Variants in GRAMD1A observed in about 807,000 individuals in gnomAD.
GRAMD1A encodes the protein protein Aster-A.
Under a neutral mutation model 92.0 loss-of-function variants are expected in GRAMD1A, and 50 were observed. That is an observed-to-expected ratio of 0.54 (90% CI 0.43 to 0.69). GRAMD1A has a LOEUF of 0.69. Among genes scored for constraint, GRAMD1A ranks in the 30% least tolerant of loss-of-function variants. The pLI, the probability that GRAMD1A is intolerant of heterozygous loss-of-function variation, is 0.00. For missense variants in GRAMD1A, 819 were observed against 978.9 expected, an observed-to-expected ratio of 0.84 and a Z score of 2.18; for synonymous variants, 405 against 403.6, an observed-to-expected ratio of 1.00 and a Z score of -0.04.
In GRAMD1A at chr19:35,010,147, T is replaced by G. The variant is rs2290642; in HGVS notation, c.381T>G (p.Ser127=). Residue 127 remains serine (S), a synonymous_variant, in exon 5 of 20, where the codon TCT becomes TCG. Coordinates refer to ENST00000317991, the MANE Select transcript of GRAMD1A (RefSeq NM_020895.5). ...TGCTCCAGGGCCGCCTCTACCTCTC[T>G]GAGAACTGGATCTGCTTCTACAGCA... ...EILLQGRLYL[S]ENWICFYSNI... The G allele has an allele frequency of 1.9e-6, 3 of 1,613,118 alleles. No individual in the cohort carries two copies. The highest frequency in any genetic ancestry group is 1.3e-5 in the African/African-American group (1 of 74,884).
chr19:34,999,928 T>C (rs2014219795), upstream of GRAMD1A: 2 of 914,874 alleles, frequency 2.2e-6, no homozygotes, highest in South Asian at 5.0e-5. Context: ...CCCCCATACA[T>C]ACACCTCGGT....
chr19:35,009,325 G>A lies in GRAMD1A; in HGVS notation c.215G>A (p.Ser72Asn). 6.2e-7 allele frequency: 1 copy of A among 1,613,918 alleles called. No individual in the cohort carries two copies. The highest frequency in any genetic ancestry group is 1.1e-5 in the South Asian group (1 of 91,074). Residue 72 changes from serine to asparagine, a missense_variant, in exon 2 of 20, where the codon AGC becomes AAC. Coordinates refer to ENST00000317991, the MANE Select transcript of GRAMD1A (RefSeq NM_020895.5). ...GGCAGCCGGAACTTCATCCGCAACA[G>A]CAAGGTTGGTGCAAGCCCAGGTGGG... ...SLGSRNFIRN[S>N]KKMQSWYSML...
chr19:35,019,595 C>T, intron 13 of GRAMD1A, 62 bp downstream of exon 13: 1 of 1,518,736 alleles, frequency 6.6e-7, no homozygotes, highest in Admixed American at 1.7e-5. Flanking sequence ...CCTGTCCACT[C>T]CTCAAGTCAG....
At chr19:35,010,248 C>G in intron 5 of GRAMD1A, 36 bp from the exon 6 acceptor site, 2 of 1,588,110 alleles carry the variant, frequency 1.3e-6, no homozygotes, top group Non-Finnish European at 1.7e-6. Context: ...TGGCCAGGCC[C>G]CACCCCGCTC....
chr19:34,998,398 G>A (rs2014132666), upstream of GRAMD1A: 2 of 149,920 alleles, frequency 1.3e-5, no homozygotes, highest in Admixed American at 1.3e-4. Flanking sequence ...CCACCTCCCG[G>A]GTTCAAGCAA....
chr19:35,013,900 TGA>T lies in GRAMD1A; in HGVS notation c.870+214_870+215del, dbSNP rs747831881. Among the ~76,000 whole-genome samples the T allele has an allele frequency of 5.3e-5, 8 of 151,344 alleles. No individual in the cohort carries two copies. Among genetic ancestry groups the T allele is most frequent in the Non-Finnish European group, 1.2e-4 (8 of 67,802 alleles). ...GAAGAGAGGGGACAGACAGAAAGGA[TGA>T]GAGACAGAAGGGATGGGAGATGGGT... On this transcript the variant is annotated intron_variant, in intron 9 of 19. Coordinates refer to ENST00000317991, the MANE Select transcript of GRAMD1A (RefSeq NM_020895.5). This position sits in a 1 kb window ranked among gnomAD's most constrained non-coding sequence, Gnocchi z 4.9.
upstream of GRAMD1A, chr19:35,000,020 G>A (rs2014223902): frequency 1.0e-6 from 1 of 984,622 alleles, no homozygotes; most frequent in Non-Finnish European, 1.2e-6. This position sits in a 1 kb window ranked among gnomAD's most constrained non-coding sequence, Gnocchi z 4.9. Context: ...TCTGGCCAGG[G>A]GCATAGTAGT....
chr19:35,024,023 G>T (rs577006179), intron 19 of GRAMD1A, among the ~76,000 whole-genome samples: 2 of 152,294 alleles, frequency 1.3e-5, no homozygotes, highest in East Asian at 3.9e-4. Context: ...GTAACTAAGG[G>T]GTCACATGGT....
At chr19:35,025,505 A>T (rs141095371) in intron 19 of GRAMD1A, among the ~76,000 whole-genome samples, 2 of 152,236 alleles carry the variant, frequency 1.3e-5, no homozygotes, top group African/African-American at 2.4e-5. Context: ...CAGCCTCCCA[A>T]AGTGCTGAGA....
intron 17 of GRAMD1A, 53 bp from the exon 18 acceptor site, chr19:35,023,183 G>C (rs2016195837): frequency 8.0e-7 from 1 of 1,244,320 alleles, no homozygotes; most frequent in Non-Finnish European, 1.2e-6. Flanking sequence ...TTGTTTGGGG[G>C]TGTTCAGAGC....
chr19:35,019,776 A>G (rs1003803452), intron 13 of GRAMD1A, among the ~76,000 whole-genome samples: 1 of 152,234 alleles, frequency 6.6e-6, no homozygotes, highest in Non-Finnish European at 1.5e-5. Context: ...GCCAGGCAAT[A>G]TCACCTCTCT....
At position 35,000,901 on chromosome 19, in the gene GRAMD1A, C is replaced by T. The variant is rs529638811; in HGVS notation, c.8+415C>T. ...TCGGGACCAGCCCAGGCCCACAGGCCGCGGAGCCCTGGGCGCGCCGGGAGT... is the reference window on the plus strand; with the variant it reads ...TCGGGACCAGCCCAGGCCCACAGGCTGCGGAGCCCTGGGCGCGCCGGGAGT... On this transcript the variant is annotated intron_variant, in intron 1 of 19. Coordinates refer to ENST00000317991, the MANE Select transcript of GRAMD1A (RefSeq NM_020895.5). This position sits in a 1 kb window ranked among gnomAD's most constrained non-coding sequence, Gnocchi z 4.9. 9.9e-5 allele frequency among the ~76,000 whole-genome samples: 15 copies of T among 152,096 alleles called. No homozygotes were observed. The highest frequency in any genetic ancestry group is 3.4e-4 in the African/African-American group (14 of 41,478).
At chr19:35,016,059 C>A in intron 11 of GRAMD1A, 92 bp downstream of exon 11, 1 of 1,370,614 alleles carries the variant, frequency 7.3e-7, no homozygotes, top group Non-Finnish European at 1.0e-6. Flanking sequence ...GCACTGCTAG[C>A]CAGTGGGGCA....
intron 16 of GRAMD1A, 55 bp from the exon 17 acceptor site, chr19:35,022,845 G>C: frequency 6.3e-7 from 1 of 1,578,042 alleles, no homozygotes; most frequent in Non-Finnish European, 8.6e-7. Context: ...GGGGGTGTCG[G>C]GGGCAGGCCA....
At chr19:35,022,096 G>C (rs1357785259) in intron 16 of GRAMD1A, 58 bp downstream of exon 16, 1 of 1,306,950 alleles carries the variant, frequency 7.7e-7, no homozygotes, top group Non-Finnish European at 1.1e-6. Context: ...CTGGCTGTGT[G>C]ACCTTGGGCA....
At chr19:35,004,964 GAA>G (rs1415432995) in intron 1 of GRAMD1A, among the ~76,000 whole-genome samples, 1 of 152,142 alleles carries the variant, frequency 6.6e-6, no homozygotes, top group Non-Finnish European at 1.5e-5. Flanking sequence ...GGGTCACACA[GAA>G]AGGACGCGGT....
chr19:35,013,251 C>T lies in GRAMD1A; in HGVS notation c.607-5C>T, dbSNP rs2015371551. 4.0e-6 allele frequency: 6 copies of T among 1,516,102 alleles called. No individual in the cohort carries two copies. Among genetic ancestry groups the T allele is most frequent in the African/African-American group, 1.4e-5 (1 of 72,394 alleles). The allele number at this position is 1,516,102 out of a possible 1,614,324, so 93.9% of individuals were successfully genotyped here. On this transcript the variant is annotated splice_region_variant and splice_polypyrimidine_tract_variant and intron_variant, in intron 7 of 19. Transcript: ENST00000317991. This position sits in a 1 kb window ranked among gnomAD's most constrained non-coding sequence, Gnocchi z 4.9. The stretch of plus-strand genomic sequence containing the variant: ...GGAGGCCAACCCCAGGTCCCGCCTC[C>T]CCAGACGCTGAGTCCCCGCGAGCTC...
In GRAMD1A at chr19:35,009,992, TC is replaced by T; in HGVS notation, c.325+23del. Reference sequence around the variant, plus strand: ...TTGTGGGTGAGTCCCGGACCCCCAGTCCCAGCTCCTAGCCCAGCCCTGTGAC... The same window carrying T: ...TTGTGGGTGAGTCCCGGACCCCCAGTCCAGCTCCTAGCCCAGCCCTGTGAC... On this transcript the variant is annotated intron_variant, in intron 4 of 19. Transcript: ENST00000317991. 6.3e-7 allele frequency: 1 copy of T among 1,582,348 alleles called. No homozygotes were observed. Among genetic ancestry groups the T allele is most frequent in the Non-Finnish European group, 8.7e-7 (1 of 1,151,126 alleles).
In GRAMD1A at chr19:35,021,448, C is replaced by A; in HGVS notation, c.1476-54C>A. ...AAAAAACTCAGCTTGTGGGACGGGG[C>A]AGCCAGGGCTGGAGTCAGACCCTTA... On this transcript the variant is annotated intron_variant, in intron 13 of 19. Transcript: ENST00000317991. This position sits in a 1 kb window ranked among gnomAD's most constrained non-coding sequence, Gnocchi z 5.3. 1 of 1,316,468 alleles carries A rather than the reference C, an allele frequency of 7.6e-7. No homozygotes were observed. Among genetic ancestry groups the A allele is most frequent in the Non-Finnish European group, 1.1e-6 (1 of 909,438 alleles). 81.5% of individuals were successfully genotyped at this position (1,316,468 alleles called of 1,614,324 possible). A position where few individuals can be genotyped will look rare whatever the true frequency, so the allele number is the denominator to read the frequency against.
Sources: allele counts gnomAD v4.1 joint callset (sites outside exome capture counted in the v4.1 genomes callset), GRCh38; gene constraint gnomAD v4.1.1; non-coding constraint Gnocchi (gnomAD v3.1); transcripts MANE v1.5; gene names NCBI Gene and HGNC (gene_info 2026-07-23, HGNC 2026-07-21).